The following KRT85 variants were observed in gnomAD, a reference collection of about 807,000 sequenced individuals.
KRT85 encodes keratin, type II cuticular Hb5.
KRT85 carries 39 observed loss-of-function variants against 53.7 expected under a neutral mutation model. The observed-to-expected ratio is 0.73, with a 90% CI of 0.56 to 0.95. KRT85 has a LOEUF of 0.95. Among genes scored for constraint, KRT85 ranks in the 40% least tolerant of loss-of-function variants. The probability of loss-of-function intolerance (pLI) is 0.00; values close to 1 mark genes in which losing one functional copy is unlikely to be tolerated. For synonymous variants in KRT85, 291 were observed against 277.5 expected, an observed-to-expected ratio of 1.05 and a Z score of -0.48; for missense variants, 668 against 686.0, an observed-to-expected ratio of 0.97 and a Z score of 0.29.
rs1439772592 is a variant in KRT85 at position 52,361,502 on chromosome 12, T to C, written c.1299-4A>G. On this transcript the variant is annotated splice_region_variant and splice_polypyrimidine_tract_variant and intron_variant, in intron 7 of 8. Coordinates refer to ENST00000257901, the MANE Select transcript of KRT85 (RefSeq NM_002283.4). ...AGAGCCCACACCTTCACACAGCCTA[T>C]GGAGAAAGAAAACTCTGTTAGTTCC... 5.6e-6 allele frequency: 9 copies of C among 1,613,660 alleles called. No individual in the cohort carries two copies. The highest frequency in any genetic ancestry group is 7.6e-6 in the Non-Finnish European group (9 of 1,179,554).
rs1400576398 is a variant in KRT85 at position 52,367,400 on chromosome 12, C to A, written c.6G>T (p.Ser2=). 6.2e-7 allele frequency: 1 copy of A among 1,614,004 alleles called. No homozygotes were observed. The highest frequency in any genetic ancestry group is 8.5e-7 in the Non-Finnish European group (1 of 1,180,018). Residue 2 remains serine, a synonymous_variant, in exon 1 of 9, where the codon TCG becomes TCT. Coordinates refer to ENST00000257901, the MANE Select transcript of KRT85 (RefSeq NM_002283.4). M[S]CRSYRISSGC... ...CTGAGCTGATCCTGTAGGAGCGGCA[C>A]GACATCGTGTGAGGCTGAGCAGAGT...
chr12:52,362,751 C>G (rs1246488637), intron 6 of KRT85, 103 bp downstream of exon 6: 2 of 1,555,512 alleles, frequency 1.3e-6, no homozygotes, highest in East Asian at 4.5e-5. Flanking sequence ...CCCCTCCCTT[C>G]CCTCTGGGTC....
intron 2 of KRT85, 22 bp downstream of exon 2, chr12:52,364,940 C>A (rs200957203): frequency 4.8e-5 from 77 of 1,612,046 alleles, no homozygotes; most frequent in Non-Finnish European, 5.4e-5. Flanking sequence ...TCCCCTGAGT[C>A]CCCCCAGCTT....
intron 1 of KRT85, among the ~76,000 whole-genome samples, chr12:52,366,340 C>A (rs1032998187): frequency 1.3e-5 from 2 of 152,232 alleles, no homozygotes; most frequent in African/African-American, 4.8e-5. Context: ...ATGTTTCATG[C>A]ATGGACTCAT....
At chr12:52,366,766 AC>A (rs1369259637) in intron 1 of KRT85, among the ~76,000 whole-genome samples, 1 of 152,124 alleles carries the variant, frequency 6.6e-6, no homozygotes, top group African/African-American at 2.4e-5. Context: ...ACACATGCAC[AC>A]ACTTTGGATC....
chr12:52,361,444 G>A (rs1381699135), intron 8 of KRT85, 23 bp downstream of exon 8: 2 of 1,612,620 alleles, frequency 1.2e-6, no homozygotes, highest in Non-Finnish European at 1.7e-6. Flanking sequence ...ATTTTTCCAG[G>A]AGAATTTCAG....
chr12:52,361,296 C>G (rs187551824), intron 8 of KRT85, among the ~76,000 whole-genome samples, 171 bp downstream of exon 8: 68 of 152,326 alleles, frequency 4.5e-4, no homozygotes, highest in African/African-American at 1.1e-3. Flanking sequence ...TCAACACTTG[C>G]GAAGAGCACT....
chr12:52,361,505 A>T lies in KRT85; in HGVS notation c.1299-7T>A. 6.2e-7 allele frequency: 1 copy of T among 1,613,680 alleles called. No homozygotes were observed. Among genetic ancestry groups the T allele is most frequent in the Non-Finnish European group, 8.5e-7 (1 of 1,179,566 alleles). On this transcript the variant is annotated splice_region_variant and splice_polypyrimidine_tract_variant and intron_variant, in intron 7 of 8. Coordinates refer to ENST00000257901, the MANE Select transcript of KRT85 (RefSeq NM_002283.4). ...GCCCACACCTTCACACAGCCTATGGAGAAAGAAAACTCTGTTAGTTCCAGA... is the reference window on the plus strand; with the variant it reads ...GCCCACACCTTCACACAGCCTATGGTGAAAGAAAACTCTGTTAGTTCCAGA...
chr12:52,363,517 G>C, intron 4 of KRT85, 107 bp from the exon 5 acceptor site: 1 of 1,193,680 alleles, frequency 8.4e-7, no homozygotes, highest in Non-Finnish European at 1.2e-6. Flanking sequence ...GGTCATGAAG[G>C]TTACATGACT....
chr12:52,363,142 G>C, intron 5 of KRT85, 104 bp downstream of exon 5: 1 of 1,556,038 alleles, frequency 6.4e-7, no homozygotes, highest in Non-Finnish European at 8.8e-7. Flanking sequence ...TTCTCATACT[G>C]TCCTCATGGG....
chr12:52,364,461 T>C (rs763460035), intron 2 of KRT85, 95 bp from the exon 3 acceptor site: 3 of 1,607,430 alleles, frequency 1.9e-6, no homozygotes, highest in Non-Finnish European at 2.6e-6. Context: ...TGAAAAGGGA[T>C]TAATCCCCTC....
chr12:52,363,137 A>G, intron 5 of KRT85, 109 bp downstream of exon 5: 3 of 1,558,854 alleles, frequency 1.9e-6, no homozygotes, highest in Non-Finnish European at 2.6e-6. Context: ...GGCTTTTCTC[A>G]TACTGTCCTC....
rs561075791 is a variant in KRT85, at chr12:52,364,459, G to C, written c.630-93C>G. 51 of 1,608,012 alleles carry C rather than the reference G, an allele frequency of 3.2e-5. No homozygotes were observed. In the South Asian group the frequency reaches 5.0e-4, roughly 16 times the overall value. On this transcript the variant is annotated intron_variant, in intron 2 of 8. Coordinates refer to ENST00000257901, the MANE Select transcript of KRT85 (RefSeq NM_002283.4). ...CAAGTTCTTCCGGGGATTGAAAAGGGATTAATCCCCTCCAGATGTTGTCTT... is the reference window on the plus strand; with the variant it reads ...CAAGTTCTTCCGGGGATTGAAAAGGCATTAATCCCCTCCAGATGTTGTCTT...
At chr12:52,361,430 A>T in intron 8 of KRT85, 37 bp downstream of exon 8, 1 of 1,607,446 alleles carries the variant, frequency 6.2e-7, no homozygotes, top group Non-Finnish European at 8.5e-7. Flanking sequence ...CTATCAAAAA[A>T]GCCATTTTTC....
chr12:52,366,811 G>GT (rs1240666009), intron 1 of KRT85, among the ~76,000 whole-genome samples, 175 bp downstream of exon 1: 7 of 152,160 alleles, frequency 4.6e-5, no homozygotes, highest in African/African-American at 1.7e-4. Context: ...CCTGGACCTC[G>GT]TTAAATGCTG....
chr12:52,363,254 G>A lies in KRT85; in HGVS notation c.943C>T (p.Arg315Cys), dbSNP rs756221275. The A allele has an allele frequency of 3.4e-5, 55 of 1,614,026 alleles. No individual in the cohort carries two copies. Among genetic ancestry groups the A allele is most frequent in the Non-Finnish European group, 4.6e-5 (54 of 1,180,024 alleles). ...TGTCCTGTGCCACTCACCTTGCTACGGTACCAGGACTCAGCCTCGGCCCGG... is the reference window on the plus strand; with the variant it reads ...TGTCCTGTGCCACTCACCTTGCTACAGTACCAGGACTCAGCCTCGGCCCGG... ...RSRAEAESWYRSKCEEMKATV... is the reference protein window; with the variant it reads ...RSRAEAESWYCSKCEEMKATV... Residue 315 changes from arginine (R) to cysteine (C), a missense_variant, in exon 5 of 9, where the codon CGT becomes TGT. Transcript: ENST00000257901.
chr12:52,364,583 A>G, intron 2 of KRT85: 2 of 1,446,992 alleles, frequency 1.4e-6, no homozygotes, highest in Non-Finnish European at 1.8e-6. Context: ...AGATGGGGTT[A>G]GGAATGCACA....
Position 52,367,176 on chromosome 12 carries a change from C to G in KRT85, c.230G>C (p.Gly77Ala). 6.2e-7 allele frequency: 1 copy of G among 1,613,792 alleles called. No homozygotes were observed. Among genetic ancestry groups the G allele is most frequent in the Non-Finnish European group, 8.5e-7 (1 of 1,180,012 alleles). The change falls in exon 1 of 9, where the codon GGA becomes GCA. Residue 77 changes from glycine to alanine, a missense_variant. By Grantham distance (60) the Gly-to-Ala change is moderately conservative. Coordinates refer to ENST00000257901, the MANE Select transcript of KRT85 (RefSeq NM_002283.4). ...AVGGFRAGSCGRSFGYRSGGV... is the reference protein window; with the variant it reads ...AVGGFRAGSCARSFGYRSGGV... ...CCCGGAGCGGTAGCCGAAGCTGCGT[C>G]CGCAGGAGCCGGCTCGGAAGCCACC...
At position 52,363,264 on chromosome 12, in the gene KRT85, C is replaced by T. The variant is rs749367463; in HGVS notation, c.933G>A (p.Glu311=). ...CACTCACCTTGCTACGGTACCAGGA[C>T]TCAGCCTCGGCCCGGCTGCGGCTGG... ...DVASRSRAEA[E]SWYRSKCEEM... The change falls in exon 5 of 9, where the codon GAG becomes GAA. Residue 311 remains glutamate (E), a synonymous_variant. Transcript: ENST00000257901. The T allele has an allele frequency of 2.0e-5, 33 of 1,614,102 alleles. No homozygotes were observed. In the South Asian group the frequency reaches 3.3e-4, roughly 16 times the overall value.
Sources: allele counts gnomAD v4.1 joint callset (sites outside exome capture counted in the v4.1 genomes callset), GRCh38; gene constraint gnomAD v4.1.1; transcripts MANE v1.5; gene names NCBI Gene and HGNC (gene_info 2026-07-23, HGNC 2026-07-21).